The following JAK1 variants were observed in gnomAD, a reference collection of about 807,000 sequenced individuals.
JAK1 encodes the protein Janus kinase 1.
In JAK1, 16 loss-of-function variants were observed where a neutral mutation model predicts 136.6. That is an observed-to-expected ratio of 0.12 (90% CI 0.08 to 0.18). The LOEUF (loss-of-function observed/expected upper bound fraction) is 0.18, where lower values mean the gene tolerates loss of function less well. Among genes scored for constraint, JAK1 ranks in the 10% least tolerant of loss-of-function variants. The pLI is 1.00. For synonymous variants in JAK1, 492 were observed against 519.5 expected (o/e 0.95, Z 0.72); for missense variants, 859 against 1,450.1 (o/e 0.59, Z 6.62).
Position 64,885,377 on chromosome 1 carries a change from C to G in JAK1, c.6+882G>C, listed in dbSNP as rs565671058. 3.3e-5 allele frequency among the ~76,000 whole-genome samples: 5 copies of G among 152,274 alleles called. No individual in the cohort carries two copies. The South Asian group carries it at 1.0e-3, about 32-fold the overall frequency. On this transcript the variant is annotated intron_variant, in intron 2 of 24. Coordinates refer to ENST00000342505, the MANE Select transcript of JAK1 (RefSeq NM_002227.4). ...ACGTGACAGGGGAAGAATCCAAAGA[C>G]AGTGTTGCACCCTCTAACTCTAAGG...
chr1:65,044,700 A>G (rs1463028078), intron 1 of JAK1, among the ~76,000 whole-genome samples: 1 of 152,194 alleles, frequency 6.6e-6, no homozygotes, highest in Non-Finnish European at 1.5e-5. Context: ...CAACAGGCCA[A>G]CGGCAAGGGG....
intron 2 of JAK1, among the ~76,000 whole-genome samples, chr1:64,993,915 G>A (rs749924337): frequency 4.2e-4 from 64 of 152,284 alleles, no homozygotes; most frequent in Non-Finnish European, 4.9e-4. Context: ...CCAAAGTGCT[G>A]GGATTACAGG....
rs550597315 is a variant in JAK1, at chr1:64,910,591, T to TG, written c.-77-24251dup. 2.3e-3 allele frequency among the ~76,000 whole-genome samples: 353 copies of TG among 152,284 alleles called. 2 individuals carry two copies. Among genetic ancestry groups the TG allele is most frequent in the African/African-American group, 8.1e-3 (338 of 41,550 alleles). On this transcript the variant is annotated intron_variant, in intron 1 of 24. Transcript: ENST00000342505. ...GCTCACGCCTGGAATCCCAGCACTT[T>TG]GGGAGGCTAAGGCGGGCTGATCACT...
chr1:64,903,201 A>G (rs759276801), intron 1 of JAK1, among the ~76,000 whole-genome samples: 1 of 152,114 alleles, frequency 6.6e-6, no homozygotes, highest in Non-Finnish European at 1.5e-5. Flanking sequence ...TAATTTTTGC[A>G]TTTTTAGTAG....
intron 1 of JAK1, among the ~76,000 whole-genome samples, chr1:65,065,218 T>C (rs1263251839): frequency 2.0e-5 from 3 of 152,192 alleles, no homozygotes; most frequent in Admixed American, 1.3e-4. Flanking sequence ...TTGGTTTTTA[T>C]AGGAGGGTCT....
rs193063366 is a variant in JAK1 at position 65,000,642 on chromosome 1, C to G, written c.-78+43838G>C. Among the ~76,000 whole-genome samples, 10 of 152,064 alleles carry G rather than the reference C, an allele frequency of 6.6e-5. No homozygotes were observed. The South Asian group carries it at 1.2e-3, about 19-fold the overall frequency. ...AATACGAAGTAGTGATTTAAAAACA[C>G]GTATGGAAAATATTTTTCCATGATA... is the stretch of plus-strand genomic sequence containing the variant. On this transcript the variant is annotated intron_variant, in intron 2 of 25. Coordinates refer to the JAK1 transcript ENST00000671954.
chr1:64,982,982 T>C lies in JAK1; in HGVS notation c.-78+61498A>G, dbSNP rs909521148. On this transcript the variant is annotated intron_variant, in intron 2 of 25. Coordinates refer to the JAK1 transcript ENST00000671954. ...GTCACCTTTTCCAGCTAAACCCCAC[T>C]GCTATGTGCATTTTTATTCGACGCC... 3.3e-5 allele frequency among the ~76,000 whole-genome samples: 5 copies of C among 152,182 alleles called. No homozygotes were observed. In the South Asian group the frequency reaches 8.3e-4, roughly 25 times the overall value.
At chr1:64,928,797 C>CA (rs397953329) in intron 1 of JAK1, among the ~76,000 whole-genome samples, 3,461 of 80,606 alleles carry the variant, frequency 0.043, 181 homozygotes, top group East Asian at 0.24. Flanking sequence ...AAAAAAAAAA[C>CA]AAAAAAAAAA....
upstream of JAK1, among the ~76,000 whole-genome samples, chr1:64,971,073 C>T (rs1646447916): frequency 6.6e-6 from 1 of 152,122 alleles, no homozygotes; most frequent in Admixed American, 6.5e-5. Context: ...GATGTTTTTT[C>T]AACAACACTA....
rs1656596706 is a variant in JAK1, at chr1:64,864,927, G to T, written c.1036C>A (p.Leu346Met). ...TCATCCTTCTTGTGTTTATTTTCCA[G>T]TTTTTTCCGCTTCAGTTTATTTTTT... ...KEKNKLKRKK[L>M]ENKHKKDEEK... Residue 346 changes from leucine (L) to methionine (M), a missense_variant, in exon 8 of 25, where the codon CTG (leucine) becomes ATG (methionine). Physicochemically the swap from Leu to Met is conservative, Grantham distance 15. Coordinates refer to ENST00000342505, the MANE Select transcript of JAK1 (RefSeq NM_002227.4). The T allele has an allele frequency of 2.5e-6, 4 of 1,613,488 alleles. No homozygotes were observed. The highest frequency in any genetic ancestry group is 1.7e-5 in the Admixed American group (1 of 59,920).
At chr1:65,007,483 A>T (rs1207444795) in intron 2 of JAK1, among the ~76,000 whole-genome samples, 1 of 151,814 alleles carries the variant, frequency 6.6e-6, no homozygotes, top group Admixed American at 6.6e-5. Flanking sequence ...TTTGAGATGG[A>T]GTTTCATGCT....
chr1:64,914,645 C>A (rs1332839913), intron 1 of JAK1, among the ~76,000 whole-genome samples: 1 of 152,176 alleles, frequency 6.6e-6, no homozygotes, highest in Non-Finnish European at 1.5e-5. Context: ...CTCACTGCAA[C>A]CTCTGCCTCT....
rs190654763 is a variant in JAK1, at chr1:64,916,812, G to C, written c.-77-30471C>G. Among the ~76,000 whole-genome samples, 76 of 149,866 alleles carry C rather than the reference G, an allele frequency of 5.1e-4. 1 individual carries two copies. The highest frequency in any genetic ancestry group is 1.8e-3 in the African/African-American group (73 of 40,720). On this transcript the variant is annotated intron_variant, in intron 1 of 24. Transcript: ENST00000342505. ...AGATTCTGCCGCTGAACTCCATCCA[G>C]CCTGGGTGACAGAGTGAGACCCTTT...
intron 14 of JAK1, among the ~76,000 whole-genome samples, chr1:64,845,967 G>A (rs1052906274): frequency 1.3e-5 from 2 of 152,202 alleles, no homozygotes; most frequent in African/African-American, 4.8e-5. Context: ...GGGAACAACC[G>A]CCACCACTGC....
intron 1 of JAK1, among the ~76,000 whole-genome samples, chr1:64,902,027 G>A (rs181729960): frequency 2.7e-4 from 41 of 152,044 alleles, no homozygotes; most frequent in African/African-American, 9.2e-4. Flanking sequence ...AATAAAATAG[G>A]GATGATGATA....
At chr1:64,864,739 C>G in intron 8 of JAK1, 48 bp downstream of exon 8, 10 of 1,375,408 alleles carry the variant, frequency 7.3e-6, no homozygotes, top group Non-Finnish European at 9.2e-6. Context: ...CAGCAATTCT[C>G]CCTCTCATCA....
chr1:64,858,747 T>C (rs1374493288), intron 9 of JAK1, among the ~76,000 whole-genome samples: 1 of 152,204 alleles, frequency 6.6e-6, no homozygotes, highest in Non-Finnish European at 1.5e-5. Context: ...AAATGTTATG[T>C]TATGTAAATA....
chr1:65,065,018 T>G (rs1407238178), intron 1 of JAK1, among the ~76,000 whole-genome samples: 1 of 152,230 alleles, frequency 6.6e-6, no homozygotes, highest in East Asian at 1.9e-4. Context: ...GAACCAATTA[T>G]GAACACTATA....
intron 3 of JAK1, among the ~76,000 whole-genome samples, chr1:64,882,350 G>A (rs1427696124): frequency 6.6e-6 from 1 of 152,182 alleles, no homozygotes; most frequent in Non-Finnish European, 1.5e-5. Flanking sequence ...GATAAGTAAA[G>A]TAGGGATCAG....
Sources: allele counts gnomAD v4.1 joint callset (sites outside exome capture counted in the v4.1 genomes callset), GRCh38; gene constraint gnomAD v4.1.1; transcripts MANE v1.5; gene names NCBI Gene and HGNC (gene_info 2026-07-23, HGNC 2026-07-21).